The following AGPAT4 variants were observed in gnomAD, a reference collection of about 807,000 sequenced individuals.
AGPAT4 encodes the protein 1-acylglycerol-3-phosphate O-acyltransferase 4.
In AGPAT4, 15 loss-of-function variants were observed where a neutral mutation model predicts 48.0. The observed-to-expected ratio is 0.31, with a 90% CI of 0.21 to 0.48. AGPAT4 has a LOEUF of 0.48. Among genes scored for constraint, AGPAT4 ranks in the 20% least tolerant of loss-of-function variants. The pLI, the probability that AGPAT4 is intolerant of heterozygous loss-of-function variation, is 0.99. For missense variants in AGPAT4, 314 were observed against 482.5 expected, an observed-to-expected ratio of 0.65 and a Z score of 3.27; for synonymous variants, 178 against 198.7, an observed-to-expected ratio of 0.90 and a Z score of 0.88.
chr6:161,203,878 A>C (rs933440353), intron 2 of AGPAT4, among the ~76,000 whole-genome samples: 5 of 152,130 alleles, frequency 3.3e-5, no homozygotes, highest in Non-Finnish European at 5.9e-5. Flanking sequence ...GGTTGGTTTT[A>C]GTTTCCCCCT....
At chr6:161,168,131 GT>G (rs1562321471) in intron 2 of AGPAT4, among the ~76,000 whole-genome samples, 57 of 151,844 alleles carry the variant, frequency 3.8e-4, no homozygotes, top group African/African-American at 1.3e-3. Context: ...CGGTGGTGGG[GT>G]GGGGGGCTAG....
Position 161,200,841 on chromosome 6 carries a change from T to A in AGPAT4, c.178+31195A>T, listed in dbSNP as rs1211027226. Among the ~76,000 whole-genome samples, 4 of 152,214 alleles carry A rather than the reference T, an allele frequency of 2.6e-5. No homozygotes were observed. The highest frequency in any genetic ancestry group is 5.9e-5 in the Non-Finnish European group (4 of 68,042). On this transcript the variant is annotated intron_variant, in intron 2 of 8. Transcript: ENST00000320285. The surrounding 1 kb of genome is among the most constrained non-coding windows in gnomAD (Gnocchi z 5.5). ...CTATTTGGCCACAATTTCTGATCCA[T>A]CCAAACTCATAAACACAGATACCCT...
At chr6:161,193,553 T>C (rs1370067929) in intron 2 of AGPAT4, among the ~76,000 whole-genome samples, 1 of 152,204 alleles carries the variant, frequency 6.6e-6, no homozygotes, top group Non-Finnish European at 1.5e-5. Context: ...CTCAGACCAA[T>C]ACAAACTTCC....
Position 161,154,980 on chromosome 6 carries a change from GGGAGTAAAACCCAGACCA to G in AGPAT4, c.349-688_349-671del, listed in dbSNP as rs917458851. On this transcript the variant is annotated intron_variant, in intron 3 of 8. Transcript: ENST00000320285. This position sits in a 1 kb window ranked among gnomAD's most constrained non-coding sequence, Gnocchi z 7.8. ...TCTCCGGGTACAGCTGGTCCAAGCT[GGGAGTAAAACCCAGACCA>G]GGAGATGTGCTCGGTGCCCTCCACA... Among the ~76,000 whole-genome samples, 1 of 152,200 alleles carries G rather than the reference GGGAGTAAAACCCAGACCA, an allele frequency of 6.6e-6. No homozygotes were observed. Among genetic ancestry groups the G allele is most frequent in the Non-Finnish European group, 1.5e-5 (1 of 68,044 alleles).
At chr6:161,163,238 T>C (rs550068619) in intron 3 of AGPAT4, among the ~76,000 whole-genome samples, 1 of 152,272 alleles carries the variant, frequency 6.6e-6, no homozygotes, top group Non-Finnish European at 1.5e-5. Context: ...GACTTCAATT[T>C]AAACTCATTT....
In AGPAT4 at chr6:161,261,146, CCAGCT is replaced by C. The variant is rs1248696631; in HGVS notation, c.-90+12787_-90+12791del. On this transcript the variant is annotated intron_variant, in intron 1 of 8. Transcript: ENST00000320285. This position sits in a 1 kb window ranked among gnomAD's most constrained non-coding sequence, Gnocchi z 5.3. ...TTTATCCTTCCAACCCCTGCTTAAG[CCAGCT>C]CCTTCTCCTCCCTGCCTCCCGCTGA... Among the ~76,000 whole-genome samples, 4 of 152,184 alleles carry C rather than the reference CCAGCT, an allele frequency of 2.6e-5. No homozygotes were observed. The highest frequency in any genetic ancestry group is 5.9e-5 in the Non-Finnish European group (4 of 68,018).
intron 2 of AGPAT4, among the ~76,000 whole-genome samples, chr6:161,194,554 G>C (rs1166072446): frequency 6.6e-6 from 1 of 151,188 alleles, no homozygotes; most frequent in Admixed American, 6.6e-5. Flanking sequence ...ATGTGTATGT[G>C]TGCATGTGTG....
At position 161,244,434 on chromosome 6, in the gene AGPAT4, C is replaced by T. The variant is rs114915119; in HGVS notation, c.-89-12132G>A. ...AAGCCTTTAAAGTTAAGGTTTATGG[C>T]GAAATTTAAAATGTTGGCAGTTTCC... On this transcript the variant is annotated intron_variant, in intron 1 of 8. Transcript: ENST00000320285. This position sits in a 1 kb window ranked among gnomAD's most constrained non-coding sequence, Gnocchi z 4.7. 3.5e-4 allele frequency among the ~76,000 whole-genome samples: 53 copies of T among 152,128 alleles called. No individual in the cohort carries two copies. The highest frequency in any genetic ancestry group is 1.1e-3 in the African/African-American group (44 of 41,510).
rs1313397194 is a variant in AGPAT4 at position 161,221,821 on chromosome 6, C to G, written c.178+10215G>C. On this transcript the variant is annotated intron_variant, in intron 2 of 8. Transcript: ENST00000320285. This position sits in a 1 kb window ranked among gnomAD's most constrained non-coding sequence, Gnocchi z 4.5. ...GTCCTCGTATCTTCACATCGTCTTC[C>G]TCTCTGCATGTCTTTCTCTGTGTCC... Among the ~76,000 whole-genome samples, 1 of 152,194 alleles carries G rather than the reference C, an allele frequency of 6.6e-6. No homozygotes were observed. The highest frequency in any genetic ancestry group is 6.5e-5 in the Admixed American group (1 of 15,274).
chr6:161,130,642 CAA>C lies in AGPAT4; in HGVS notation c.*5896_*5897del, dbSNP rs971003872. On this transcript the variant is annotated 3_prime_UTR_variant, in exon 9 of 9. Coordinates refer to ENST00000320285, the MANE Select transcript of AGPAT4 (RefSeq NM_020133.3). ...AGATCTCTTTCCTTGATAGAACAAG[CAA>C]AAGAGGGGCTGATCCATCTCCCGTG... 9.6e-5 allele frequency: 26 copies of C among 270,330 alleles called. No homozygotes were observed. Among genetic ancestry groups the C allele is most frequent in the Admixed American group, 1.6e-4 (4 of 24,262 alleles). The allele number at this position is 270,330 out of a possible 1,614,324, so 16.7% of individuals were successfully genotyped here. A position where few individuals can be genotyped will look rare whatever the true frequency, so the allele number is the denominator to read the frequency against.
chr6:161,172,530 TGGACAGAAAGGCCACA>T (rs1359458943), intron 2 of AGPAT4, among the ~76,000 whole-genome samples: 1 of 152,202 alleles, frequency 6.6e-6, no homozygotes, highest in Non-Finnish European at 1.5e-5. Flanking sequence ...AAAGGCCAGC[TGGACAGAAAGGCCACA>T]GGACAGAAAG....
At chr6:161,239,749 T>G (rs1158870942) in intron 1 of AGPAT4, among the ~76,000 whole-genome samples, 1 of 152,230 alleles carries the variant, frequency 6.6e-6, no homozygotes, top group East Asian at 1.9e-4. Flanking sequence ...CTAGGCTTTT[T>G]GTTTTTAATG....
chr6:161,210,433 A>C (rs147189008), intron 2 of AGPAT4, among the ~76,000 whole-genome samples: 4,917 of 152,310 alleles, frequency 0.032, 281 homozygotes, highest in African/African-American at 0.11. Context: ...TTATGAATCT[A>C]TAAGATGTAC....
Position 161,218,605 on chromosome 6 carries a change from A to T in AGPAT4, c.178+13431T>A, listed in dbSNP as rs914739776. 1.7e-4 allele frequency among the ~76,000 whole-genome samples: 26 copies of T among 152,190 alleles called. No individual in the cohort carries two copies. Among genetic ancestry groups the T allele is most frequent in the Non-Finnish European group, 3.7e-4 (25 of 68,040 alleles). On this transcript the variant is annotated intron_variant, in intron 2 of 8. Transcript: ENST00000320285. The surrounding 1 kb of genome is among the most constrained non-coding windows in gnomAD (Gnocchi z 4.7). ...GGCTCCAAGTGCGTGTTACCATAACACCGGGGCAGGATCCTCCGCTCCACG... is the reference window on the plus strand; with the variant it reads ...GGCTCCAAGTGCGTGTTACCATAACTCCGGGGCAGGATCCTCCGCTCCACG...
At position 161,138,073 on chromosome 6, in the gene AGPAT4, G is replaced by C. The variant is rs1329287608; in HGVS notation, c.1042+1349C>G. Among the ~76,000 whole-genome samples the C allele has an allele frequency of 1.3e-5, 2 of 152,280 alleles. No homozygotes were observed. The highest frequency in any genetic ancestry group is 1.9e-4 in the East Asian group (1 of 5,168). On this transcript the variant is annotated intron_variant, in intron 8 of 8. Coordinates refer to ENST00000320285, the MANE Select transcript of AGPAT4 (RefSeq NM_020133.3). The surrounding 1 kb of genome is among the most constrained non-coding windows in gnomAD (Gnocchi z 4.8). ...CCTGCTATTGAAGCAGAAGGGTTGAGCTTGCCCCCGCCCTACCAGGGGCCC... is the reference window on the plus strand; with the variant it reads ...CCTGCTATTGAAGCAGAAGGGTTGACCTTGCCCCCGCCCTACCAGGGGCCC...
At chr6:161,252,230 T>G (rs1562358038) in intron 1 of AGPAT4, among the ~76,000 whole-genome samples, 1 of 152,164 alleles carries the variant, frequency 6.6e-6, no homozygotes, top group Non-Finnish European at 1.5e-5. Context: ...TTTCTTGCAG[T>G]GGTAATAGGA....
chr6:161,212,945 G>A lies in AGPAT4; in HGVS notation c.178+19091C>T, dbSNP rs1781556324. Among the ~76,000 whole-genome samples, 1 of 152,222 alleles carries A rather than the reference G, an allele frequency of 6.6e-6. No individual in the cohort carries two copies. Among genetic ancestry groups the A allele is most frequent in the Admixed American group, 6.5e-5 (1 of 15,278 alleles). On this transcript the variant is annotated intron_variant, in intron 2 of 8. Transcript: ENST00000320285. This position sits in a 1 kb window ranked among gnomAD's most constrained non-coding sequence, Gnocchi z 6.1. ...TGTTTATTTTACCAAGACTTTGACT[G>A]TAATGGTGTGCTTTCCTTTAAGGAA... is the stretch of plus-strand genomic sequence containing the variant.
chr6:161,232,905 CACT>C lies in AGPAT4; in HGVS notation c.-89-606_-89-604del, dbSNP rs1319209420. Among the ~76,000 whole-genome samples the C allele has an allele frequency of 7.2e-5, 11 of 152,170 alleles. No homozygotes were observed. Among genetic ancestry groups the C allele is most frequent in the African/African-American group, 2.7e-4 (11 of 41,446 alleles). On this transcript the variant is annotated intron_variant, in intron 1 of 8. Transcript: ENST00000320285. This position sits in a 1 kb window ranked among gnomAD's most constrained non-coding sequence, Gnocchi z 6.8. Reference sequence around the variant, plus strand: ...AGGGAAGCATTTACTTGAAAACCACCACTGTTTCTCCAGCACATGAGAGCCATC... The same window carrying C: ...AGGGAAGCATTTACTTGAAAACCACCGTTTCTCCAGCACATGAGAGCCATC...
rs766798569 is a variant in AGPAT4 at position 161,212,688 on chromosome 6, C to T, written c.178+19348G>A. Among the ~76,000 whole-genome samples, 8 of 152,052 alleles carry T rather than the reference C, an allele frequency of 5.3e-5. No homozygotes were observed. Among genetic ancestry groups the T allele is most frequent in the Non-Finnish European group, 1.2e-4 (8 of 68,010 alleles). ...AAATTGTTAGTGTGCCACAAGGTAA[C>T]AAATTTCCTTGTCAATTGTGTCTTT... On this transcript the variant is annotated intron_variant, in intron 2 of 8. Transcript: ENST00000320285. The surrounding 1 kb of genome is among the most constrained non-coding windows in gnomAD (Gnocchi z 6.1).
Sources: gnomAD v4.1 joint callset for allele counts (sites outside exome capture counted in the v4.1 genomes callset) on GRCh38, gnomAD v4.1.1 for gene constraint, Gnocchi (gnomAD v3.1) non-coding constraint, MANE v1.5 for transcripts, NCBI Gene and HGNC (gene_info 2026-07-23, HGNC 2026-07-21) for gene names.